Variants in VRK2 observed in about 807,000 individuals in gnomAD.
VRK2 encodes VRK serine/threonine kinase 2.
Under a neutral mutation model 57.6 loss-of-function variants are expected in VRK2, and 60 were observed. The ratio of observed to expected loss-of-function variants is 1.04; its 90% CI spans 0.85 to 1.29. The LOEUF (loss-of-function observed/expected upper bound fraction) is 1.29, where lower values mean the gene tolerates loss of function less well. Ranked by LOEUF, VRK2 falls within the 50% of genes most tolerant of loss-of-function variation. The pLI is 0.00. For synonymous variants in VRK2, 231 were observed against 199.2 expected (o/e 1.16, Z -1.35); for missense variants, 705 against 588.1 (o/e 1.20, Z -2.06).
intron 1 of VRK2, among the ~76,000 whole-genome samples, chr2:57,918,937 G>C (rs542567018): frequency 6.6e-6 from 1 of 152,178 alleles, no homozygotes; most frequent in East Asian, 1.9e-4. Flanking sequence ...ATGCTTGTCT[G>C]GTCTGGTATT....
At chr2:58,116,691 G>A (rs1034894548) in intron 7 of VRK2, among the ~76,000 whole-genome samples, 4 of 152,204 alleles carry the variant, frequency 2.6e-5, no homozygotes, top group African/African-American at 9.7e-5. Context: ...GTCTTCAGCC[G>A]CTAAGCCAAG....
chr2:57,991,302 G>A (rs2104082613), intron 1 of VRK2, among the ~76,000 whole-genome samples: 1 of 150,696 alleles, frequency 6.6e-6, no homozygotes, highest in East Asian at 2.0e-4. Flanking sequence ...TTATTTGTGT[G>A]TATTTGCCAA....
intron 1 of VRK2, among the ~76,000 whole-genome samples, chr2:57,916,072 G>C (rs1291224413): frequency 6.6e-6 from 1 of 152,094 alleles, no homozygotes; most frequent in African/African-American, 2.4e-5. Flanking sequence ...CCTCCCATTA[G>C]ATGGAGAAAT....
At chr2:57,996,860 T>G (rs1224444020) in intron 1 of VRK2, among the ~76,000 whole-genome samples, 1 of 152,086 alleles carries the variant, frequency 6.6e-6, no homozygotes, top group African/African-American at 2.4e-5. Context: ...GAAATGTAAA[T>G]GCTATATAAA....
At chr2:58,098,647 G>A (rs1673508725) in intron 7 of VRK2, among the ~76,000 whole-genome samples, 1 of 152,044 alleles carries the variant, frequency 6.6e-6, no homozygotes, top group Non-Finnish European at 1.5e-5. Flanking sequence ...TAGCCTAGGT[G>A]TGTAGAAGGC....
chr2:58,009,070 T>G (rs1673341156), intron 1 of VRK2, among the ~76,000 whole-genome samples: 1 of 152,150 alleles, frequency 6.6e-6, no homozygotes, highest in South Asian at 2.1e-4. Flanking sequence ...CATGGCCTAA[T>G]GACCTCTTAA....
At chr2:58,116,374 TGGTTAAAATATCTC>T (rs1314005146) in intron 7 of VRK2, among the ~76,000 whole-genome samples, 1 of 150,442 alleles carries the variant, frequency 6.6e-6, no homozygotes, top group Non-Finnish European at 1.5e-5. Context: ...GCAGATAATT[TGGTTAAAATATCTC>T]GGCCTAATAA....
At chr2:57,994,491 T>G (rs2104092170) in intron 1 of VRK2, among the ~76,000 whole-genome samples, 1 of 152,286 alleles carries the variant, frequency 6.6e-6, no homozygotes, top group African/African-American at 2.4e-5. Context: ...AATCTCCATT[T>G]CCACTACTGA....
At chr2:58,153,026 G>A (rs1683291544) in intron 12 of VRK2, among the ~76,000 whole-genome samples, 1 of 151,826 alleles carries the variant, frequency 6.6e-6, no homozygotes, top group Non-Finnish European at 1.5e-5. Context: ...CCTGTTCCAT[G>A]ACCACGTAGG....
intron 3 of VRK2, among the ~76,000 whole-genome samples, chr2:58,039,817 A>T: frequency 6.6e-6 from 1 of 152,060 alleles, no homozygotes; most frequent in South Asian, 2.1e-4. Flanking sequence ...TATTTTTAAA[A>T]ATTTTTTATG....
chr2:58,087,123 A>G (rs1285759359), intron 5 of VRK2, among the ~76,000 whole-genome samples: 1 of 152,172 alleles, frequency 6.6e-6, no homozygotes, highest in Non-Finnish European at 1.5e-5. Context: ...AAAGTGTGTC[A>G]TTTTATATTT....
intron 1 of VRK2, among the ~76,000 whole-genome samples, chr2:58,002,741 A>ATCTTC (rs1237091225): frequency 2.0e-5 from 3 of 152,204 alleles, no homozygotes; most frequent in African/African-American, 7.2e-5. Context: ...TGTTGATGCT[A>ATCTTC]TCTTCAACAG....
At chr2:57,964,789 G>C (rs984573555) in intron 1 of VRK2, among the ~76,000 whole-genome samples, 23 of 148,782 alleles carry the variant, frequency 1.5e-4, no homozygotes, top group African/African-American at 5.5e-4. Context: ...GAGAGGCTGA[G>C]GCAGAAGGAT....
chr2:58,076,028 T>TAAGG lies in VRK2; in HGVS notation c.137-8059_137-8056dup, dbSNP rs1261728717. On this transcript the variant is annotated intron_variant, in intron 2 of 12. Transcript: ENST00000340157. ...TTTCTCCCCCTTAAGAAGACAGGAG[T>TAAGG]AAGGACCTCCAAGCTCTTAATATGT... Among the ~76,000 whole-genome samples the TAAGG allele has an allele frequency of 5.3e-5, 8 of 151,918 alleles. No homozygotes were observed. The East Asian group carries it at 1.6e-3, about 29-fold the overall frequency.
chr2:58,074,050 A>C (rs535116354), intron 2 of VRK2, among the ~76,000 whole-genome samples: 1 of 152,256 alleles, frequency 6.6e-6, no homozygotes, highest in Admixed American at 6.5e-5. Context: ...AATCCAATCA[A>C]GGTGACATTC....
At chr2:58,019,456 G>A (rs957117218) in intron 1 of VRK2, among the ~76,000 whole-genome samples, 1 of 152,096 alleles carries the variant, frequency 6.6e-6, no homozygotes, top group African/African-American at 2.4e-5. Flanking sequence ...TGAGACAATT[G>A]TCTAGGTAAC....
At chr2:57,968,595 C>T (rs373583885) in intron 1 of VRK2, among the ~76,000 whole-genome samples, 5 of 151,912 alleles carry the variant, frequency 3.3e-5, no homozygotes, top group African/African-American at 9.7e-5. Context: ...GTTGTTATTA[C>T]GTGAATGCCA....
At position 58,140,984 on chromosome 2, in the gene VRK2, T is replaced by A. The variant is rs188002890; in HGVS notation, c.1023+1152T>A. Among the ~76,000 whole-genome samples the A allele has an allele frequency of 1.8e-3, 275 of 152,172 alleles. 2 individuals carry two copies. The highest frequency in any genetic ancestry group is 6.4e-3 in the African/African-American group (264 of 41,544). ...CCTGATTGTCACCTTTCTCTCATGA[T>A]ACAATTAGATTTTATTGTAGCAAGT... On this transcript the variant is annotated intron_variant, in intron 11 of 12. Transcript: ENST00000340157.
At chr2:58,115,890 A>T (rs905924625) in intron 7 of VRK2, among the ~76,000 whole-genome samples, 3 of 152,192 alleles carry the variant, frequency 2.0e-5, no homozygotes, top group Non-Finnish European at 2.9e-5. Flanking sequence ...AGGAATAGTA[A>T]AGAAAGCATG....
Sources: gnomAD v4.1 joint callset for allele counts (sites outside exome capture counted in the v4.1 genomes callset) on GRCh38, gnomAD v4.1.1 for gene constraint, MANE v1.5 for transcripts, NCBI Gene and HGNC (gene_info 2026-07-23, HGNC 2026-07-21) for gene names.